Variants in PCSK5 observed in about 807,000 individuals in gnomAD.
The protein encoded by PCSK5 is prohormone convertase 5.
Under a neutral mutation model 233.2 loss-of-function variants are expected in PCSK5, and 129 were observed. The observed-to-expected ratio is 0.55, with a 90% confidence interval of 0.48 to 0.64. PCSK5 has a LOEUF of 0.64. Among genes scored for constraint, PCSK5 ranks in the 30% least tolerant of loss-of-function variants. The pLI is 0.00. For missense variants in PCSK5, 2,076 were observed against 2,430.1 expected (o/e 0.85, Z 3.06); for synonymous variants, 825 against 879.2 (o/e 0.94, Z 1.09).
At chr9:76,056,365 C>T (rs1048116726) in intron 5 of PCSK5, among the ~76,000 whole-genome samples, 2 of 152,016 alleles carry the variant, frequency 1.3e-5, no homozygotes, top group African/African-American at 4.8e-5. Context: ...TCCACATTAA[C>T]AGATACGGAA....
chr9:76,322,961 A>G (rs34797584), intron 31 of PCSK5, 91 bp from the exon 32 acceptor site: 225,697 of 713,298 alleles, frequency 0.32, 37,360 homozygotes, highest in African/African-American at 0.44. Context: ...CAAATCAACC[A>G]AAGTGCTGAG....
At chr9:76,345,143 T>C (rs1369084194) in intron 35 of PCSK5, among the ~76,000 whole-genome samples, 2 of 152,146 alleles carry the variant, frequency 1.3e-5, no homozygotes, top group Non-Finnish European at 2.9e-5. Context: ...CTCCCTGCTC[T>C]TGTATTTCCC....
At position 76,144,389 on chromosome 9, in the gene PCSK5, G is replaced by A. The variant is rs909078135; in HGVS notation, c.1312+10177G>A. Among the ~76,000 whole-genome samples the A allele has an allele frequency of 6.6e-5, 10 of 152,272 alleles. No individual in the cohort carries two copies. In the East Asian group the frequency reaches 1.4e-3, roughly 21 times the overall value. Reference sequence around the variant, plus strand: ...ATCTTAGAGGCCTAAAACTCCCACTGAATTGCAGTCACATATCATGAAAGA... The same window carrying A: ...ATCTTAGAGGCCTAAAACTCCCACTAAATTGCAGTCACATATCATGAAAGA... On this transcript the variant is annotated intron_variant, in intron 10 of 37. Coordinates refer to ENST00000674117, the MANE Select transcript of PCSK5 (RefSeq NM_001372043.1).
chr9:76,064,513 C>A (rs1290950208), intron 5 of PCSK5, among the ~76,000 whole-genome samples: 1 of 149,840 alleles, frequency 6.7e-6, no homozygotes, highest in Non-Finnish European at 1.5e-5. Context: ...GGGGCTGAAC[C>A]CCCCCAACCT....
chr9:76,193,149 T>G (rs1824495442), intron 20 of PCSK5: 1 of 1,191,818 alleles, frequency 8.4e-7, no homozygotes, highest in Non-Finnish European at 1.2e-6. Flanking sequence ...AATCTGCCTC[T>G]CTGGCCAATC....
chr9:76,282,120 CTTTTTTT>C (rs71372059), intron 24 of PCSK5, among the ~76,000 whole-genome samples: 30 of 14,508 alleles, frequency 2.1e-3, no homozygotes, highest in African/African-American at 5.4e-3. Context: ...CTTTTCTTTG[CTTTTTTT>C]TTTTTTTTTT....
rs76057462 is a variant in PCSK5 at position 76,253,627 on chromosome 9, G to A, written c.3142+12943G>A. 1.4e-3 allele frequency among the ~76,000 whole-genome samples: 215 copies of A among 152,170 alleles called. 1 individual carries two copies. Among genetic ancestry groups the A allele is most frequent in the African/African-American group, 4.7e-3 (196 of 41,518 alleles). On this transcript the variant is annotated intron_variant, in intron 24 of 37. Coordinates refer to ENST00000674117, the MANE Select transcript of PCSK5 (RefSeq NM_001372043.1). Reference sequence around the variant, plus strand: ...TTTCTGCTTTCCTATCACTTGTTCCGTTTATTCCACATATAATAGGACTGT... The same window carrying A: ...TTTCTGCTTTCCTATCACTTGTTCCATTTATTCCACATATAATAGGACTGT...
chr9:76,192,547 G>C (rs1025785722), intron 20 of PCSK5, among the ~76,000 whole-genome samples: 1 of 152,140 alleles, frequency 6.6e-6, no homozygotes, highest in Admixed American at 6.5e-5. Context: ...CCAGATATGA[G>C]AGTTGGATGC....
chr9:76,343,834 G>T (rs760339755), intron 35 of PCSK5, among the ~76,000 whole-genome samples: 1 of 152,054 alleles, frequency 6.6e-6, no homozygotes, highest in Non-Finnish European at 1.5e-5. Flanking sequence ...GAACAAGACA[G>T]CCAAGGTCCC....
At chr9:76,294,451 T>C (rs1587843497) in intron 25 of PCSK5, among the ~76,000 whole-genome samples, 1 of 152,204 alleles carries the variant, frequency 6.6e-6, no homozygotes, top group Non-Finnish European at 1.5e-5. Flanking sequence ...ACAGACATTT[T>C]AGTAAGCTGC....
intron 8 of PCSK5, among the ~76,000 whole-genome samples, chr9:76,102,892 C>A (rs1831822272): frequency 6.6e-6 from 1 of 152,150 alleles, no homozygotes; most frequent in Non-Finnish European, 1.5e-5. Context: ...AAATATTGTG[C>A]CTCTTGGTAC....
At chr9:76,308,483 A>C (rs1014423216) in intron 28 of PCSK5, among the ~76,000 whole-genome samples, 162 bp from the exon 29 acceptor site, 1 of 152,252 alleles carries the variant, frequency 6.6e-6, no homozygotes, top group Non-Finnish European at 1.5e-5. Context: ...AAGTCTACAC[A>C]ATGGCAATGA....
At chr9:76,145,040 G>A (rs879791764) in intron 10 of PCSK5, among the ~76,000 whole-genome samples, 2 of 152,058 alleles carry the variant, frequency 1.3e-5, no homozygotes, top group East Asian at 1.9e-4. Context: ...CAGGAGAATC[G>A]CTTGAACCTG....
chr9:75,911,201 G>GTTTTTTTTTTTTTTTTTT (rs71370772), intron 1 of PCSK5, among the ~76,000 whole-genome samples: 19 of 48,758 alleles, frequency 3.9e-4, no homozygotes, highest in South Asian at 9.8e-4. Context: ...GAACATATAG[G>GTTTTTTTTTTTTTTTTTT]TTTTTTTTTT....
At chr9:76,276,234 A>T (rs550790182) in intron 24 of PCSK5, among the ~76,000 whole-genome samples, 19 of 152,202 alleles carry the variant, frequency 1.2e-4, no homozygotes, top group East Asian at 3.9e-4. Flanking sequence ...AATAAATAAA[A>T]AAATAAAATA....
At chr9:75,892,075 G>A (rs1045692121) in intron 1 of PCSK5, among the ~76,000 whole-genome samples, 13 of 152,184 alleles carry the variant, frequency 8.5e-5, no homozygotes, top group Admixed American at 3.3e-4. Context: ...AAACCGGCTG[G>A]CTGGGTTCCG....
intron 30 of PCSK5, 22 bp downstream of exon 30, chr9:76,310,873 A>G: frequency 1.4e-6 from 2 of 1,477,472 alleles, no homozygotes; most frequent in South Asian, 2.6e-5. Flanking sequence ...TTTTAATTTT[A>G]CTTCCTGCTT....
chr9:75,970,558 C>T (rs1368373675), intron 2 of PCSK5, among the ~76,000 whole-genome samples: 1 of 152,118 alleles, frequency 6.6e-6, no homozygotes, highest in Admixed American at 6.6e-5. Context: ...TTATGTGGAA[C>T]ATAAAGGCTC....
At chr9:75,980,931 T>G (rs1216836796) in intron 2 of PCSK5, among the ~76,000 whole-genome samples, 1 of 152,160 alleles carries the variant, frequency 6.6e-6, no homozygotes. Context: ...AACTCATACT[T>G]AAAAACAACA....
Sources: gnomAD v4.1 joint callset for allele counts (sites outside exome capture counted in the v4.1 genomes callset) on GRCh38, gnomAD v4.1.1 for gene constraint, MANE v1.5 for transcripts, NCBI Gene and HGNC (gene_info 2026-07-23, HGNC 2026-07-21) for gene names.